MBD5: variants seen among roughly 807,000 people sequenced by gnomAD.
The protein encoded by MBD5 is methyl-CpG-binding domain protein 5.
In MBD5, 13 loss-of-function variants were observed where a neutral mutation model predicts 117.3. That is an observed-to-expected ratio of 0.11 (90% confidence interval 0.07 to 0.18). The LOEUF (loss-of-function observed/expected upper bound fraction) is 0.18, where lower values mean the gene tolerates loss of function less well. Among genes scored for constraint, MBD5 ranks in the 10% least tolerant of loss-of-function variants. The pLI, the probability that MBD5 is intolerant of heterozygous loss-of-function variation, is 1.00. For synonymous variants in MBD5, 727 were observed against 766.4 expected (o/e 0.95, Z 0.85); for missense variants, 1,879 against 2,093.8 (o/e 0.90, Z 2.00).
intron 1 of MBD5, among the ~76,000 whole-genome samples, chr2:148,065,757 C>T (rs1333612661): frequency 6.6e-6 from 1 of 152,080 alleles, no homozygotes; most frequent in Admixed American, 6.5e-5. Flanking sequence ...ATAGACTTTT[C>T]AGTAGGAAAC....
chr2:148,194,683 C>T (rs1299737781), intron 2 of MBD5, among the ~76,000 whole-genome samples: 41 of 121,208 alleles, frequency 3.4e-4, no homozygotes, highest in African/African-American at 1.1e-3. Context: ...GTGGGTGCAG[C>T]GCACCAGCAT....
intron 4 of MBD5, among the ~76,000 whole-genome samples, chr2:148,362,219 C>G (rs1703560286): frequency 6.6e-6 from 1 of 152,198 alleles, no homozygotes. Flanking sequence ...CAGAGCGCAG[C>G]AAGCTAAGAT....
rs1700364087 is a variant in MBD5, at chr2:148,247,417, T to A, written c.-680+14022T>A. Among the ~76,000 whole-genome samples the A allele has an allele frequency of 2.0e-5, 3 of 152,092 alleles. No homozygotes were observed. The South Asian group carries it at 6.2e-4, about 32-fold the overall frequency. On this transcript the variant is annotated intron_variant, in intron 3 of 13. Coordinates refer to ENST00000642680, the MANE Select transcript of MBD5 (RefSeq NM_001378120.1). ...TTTTCACATCAAATAACCTTTATGG[T>A]AGGAGGAATATTTTAATCAGGCCAT... is the stretch of plus-strand genomic sequence containing the variant.
intron 3 of MBD5, among the ~76,000 whole-genome samples, chr2:148,272,607 C>A (rs983749030): frequency 6.6e-6 from 1 of 152,048 alleles, no homozygotes; most frequent in African/African-American, 2.4e-5. Context: ...TATTCAGGTC[C>A]TTTGCGCACT....
intron 2 of MBD5, among the ~76,000 whole-genome samples, chr2:148,189,343 C>T (rs903036888): frequency 5.9e-5 from 9 of 151,368 alleles, no homozygotes; most frequent in African/African-American, 2.2e-4. Context: ...ACCTCTGAGA[C>T]TTAAGTGTCC....
intron 3 of MBD5, among the ~76,000 whole-genome samples, chr2:148,259,502 C>A (rs1700680458): frequency 6.6e-6 from 1 of 152,088 alleles, no homozygotes; most frequent in Admixed American, 6.5e-5. Context: ...TCAGTGGGGA[C>A]CAAAGGTTCA....
At chr2:148,167,477 C>G (rs1698154656) in intron 1 of MBD5, among the ~76,000 whole-genome samples, 1 of 152,064 alleles carries the variant, frequency 6.6e-6, no homozygotes, top group African/African-American at 2.4e-5. Context: ...CTATTCATTT[C>G]TTTGCTACTA....
intron 3 of MBD5, among the ~76,000 whole-genome samples, chr2:148,287,114 A>T (rs1004633488): frequency 6.6e-6 from 1 of 151,982 alleles, no homozygotes; most frequent in African/African-American, 2.4e-5. Context: ...TGTTTATATT[A>T]TTCTCCTTTC....
intron 3 of MBD5, among the ~76,000 whole-genome samples, chr2:148,247,982 G>A (rs1403082151): frequency 2.0e-5 from 3 of 152,034 alleles, no homozygotes; most frequent in African/African-American, 4.8e-5. Flanking sequence ...AATACTAAGA[G>A]GCTAAAACAA....
At chr2:148,212,457 T>G (rs941621341) in intron 2 of MBD5, among the ~76,000 whole-genome samples, 1 of 152,216 alleles carries the variant, frequency 6.6e-6, no homozygotes, top group Non-Finnish European at 1.5e-5. Context: ...TATACAGTAC[T>G]GCATTTTATT....
intron 3 of MBD5, among the ~76,000 whole-genome samples, chr2:148,250,105 C>T (rs1700431882): frequency 6.6e-6 from 1 of 152,152 alleles, no homozygotes; most frequent in Non-Finnish European, 1.5e-5. Context: ...TTGGCTACTA[C>T]AATTAATATA....
intron 1 of MBD5, among the ~76,000 whole-genome samples, chr2:148,159,950 A>G (rs1443242129): frequency 1.3e-5 from 2 of 152,188 alleles, no homozygotes; most frequent in Non-Finnish European, 2.9e-5. Flanking sequence ...TCAGGCAGCA[A>G]TCAAAATTGG....
chr2:148,481,353 C>T (rs964190308), intron 8 of MBD5, among the ~76,000 whole-genome samples: 2 of 152,006 alleles, frequency 1.3e-5, no homozygotes, highest in African/African-American at 4.8e-5. Flanking sequence ...AAATTATATT[C>T]ATATTACTGT....
At chr2:148,265,776 C>A (rs991882509) in intron 3 of MBD5, among the ~76,000 whole-genome samples, 1 of 151,978 alleles carries the variant, frequency 6.6e-6, no homozygotes, top group Non-Finnish European at 1.5e-5. Context: ...GATTTCATTT[C>A]TTTTATTTGT....
chr2:148,213,377 A>G (rs1315257340), intron 2 of MBD5, among the ~76,000 whole-genome samples: 1 of 152,182 alleles, frequency 6.6e-6, no homozygotes, highest in Non-Finnish European at 1.5e-5. Context: ...TAAAGACATT[A>G]AAACATTCTC....
At chr2:148,256,915 T>C (rs1241543426) in intron 3 of MBD5, among the ~76,000 whole-genome samples, 1 of 152,230 alleles carries the variant, frequency 6.6e-6, no homozygotes, top group Non-Finnish European at 1.5e-5. Context: ...AAGTAGGCAC[T>C]CCACTTTGCC....
At chr2:148,388,182 T>G (rs968699801) in intron 4 of MBD5, among the ~76,000 whole-genome samples, 1 of 152,184 alleles carries the variant, frequency 6.6e-6, no homozygotes, top group Non-Finnish European at 1.5e-5. Context: ...GGTAAAAGTT[T>G]TTTTCCACAC....
At chr2:148,341,487 G>C (rs536999932) in intron 3 of MBD5, among the ~76,000 whole-genome samples, 1 of 151,812 alleles carries the variant, frequency 6.6e-6, no homozygotes, top group African/African-American at 2.4e-5. Flanking sequence ...ATTAAATTAG[G>C]TGATATTGCC....
intron 1 of MBD5, among the ~76,000 whole-genome samples, chr2:148,148,650 C>T (rs918264551): frequency 2.0e-5 from 3 of 152,010 alleles, no homozygotes; most frequent in Admixed American, 2.0e-4. Context: ...TGTTCTTCTT[C>T]CTTTGCCTAC....
Sources: gnomAD v4.1 joint callset for allele counts (sites outside exome capture counted in the v4.1 genomes callset) on GRCh38, gnomAD v4.1.1 for gene constraint, MANE v1.5 for transcripts, NCBI Gene and HGNC (gene_info 2026-07-23, HGNC 2026-07-21) for gene names.